SYNPR: variants seen among roughly 807,000 people sequenced by gnomAD.
SYNPR encodes synaptoporin.
In SYNPR, 23 loss-of-function variants were observed where a neutral mutation model predicts 32.9. The ratio of observed to expected loss-of-function variants is 0.70; its 90% confidence interval spans 0.50 to 0.99. The LOEUF (loss-of-function observed/expected upper bound fraction) is 0.99, where lower values mean the gene tolerates loss of function less well. Among genes scored for constraint, SYNPR ranks in the 50% least tolerant of loss-of-function variants. The pLI, the probability that SYNPR is intolerant of heterozygous loss-of-function variation, is 0.00. For synonymous variants in SYNPR, 146 were observed against 135.9 expected, an observed-to-expected ratio of 1.07 and a Z score of -0.52; for missense variants, 318 against 349.3, an observed-to-expected ratio of 0.91 and a Z score of 0.71.
chr3:63,247,752 C>G (rs1176840027), intron 1 of SYNPR, among the ~76,000 whole-genome samples: 1 of 152,096 alleles, frequency 6.6e-6, no homozygotes, highest in Admixed American at 6.6e-5. Context: ...AAGGGAAAGG[C>G]ATTTTACCCG....
At chr3:63,599,797 C>A (rs1700011630) in intron 4 of SYNPR, among the ~76,000 whole-genome samples, 3 of 152,128 alleles carry the variant, frequency 2.0e-5, no homozygotes. Context: ...TTGCAATTTT[C>A]TTCTATCAGT....
At chr3:63,565,727 C>T (rs1489994517) in intron 4 of SYNPR, among the ~76,000 whole-genome samples, 2 of 152,150 alleles carry the variant, frequency 1.3e-5, no homozygotes, top group Non-Finnish European at 2.9e-5. Context: ...TGCAATGAGG[C>T]ACCATCTTGG....
At chr3:63,269,268 C>T (rs2086514629) in intron 3 of SYNPR, among the ~76,000 whole-genome samples, 1 of 152,122 alleles carries the variant, frequency 6.6e-6, no homozygotes, top group Non-Finnish European at 1.5e-5. Context: ...GTGGATGGAT[C>T]ACTAGAGGCC....
At chr3:63,412,048 A>G (rs2088473512) in intron 2 of SYNPR, among the ~76,000 whole-genome samples, 1 of 152,102 alleles carries the variant, frequency 6.6e-6, no homozygotes. Context: ...AGGAGAGATG[A>G]AGAGGAGTAG....
intron 2 of SYNPR, among the ~76,000 whole-genome samples, chr3:63,467,737 T>C (rs923978055): frequency 6.6e-6 from 1 of 152,226 alleles, no homozygotes; most frequent in Non-Finnish European, 1.5e-5. Flanking sequence ...TCTTGTATTT[T>C]GAAAATTTTT....
chr3:63,447,066 G>C (rs1380257999), intron 2 of SYNPR, among the ~76,000 whole-genome samples: 1 of 152,036 alleles, frequency 6.6e-6, no homozygotes, highest in Non-Finnish European at 1.5e-5. Flanking sequence ...CAGAAAGTGT[G>C]GTATTAGAGC....
Position 63,428,862 on chromosome 3 carries a change from C to T in SYNPR, c.85-51970C>T, listed in dbSNP as rs1055446620. ...AGAATGTGCACGATTTCACTTCTGC[C>T]GTATGCTGTTGGCCAGAGAAAGATA... On this transcript the variant is annotated intron_variant, in intron 2 of 5. Coordinates refer to ENST00000478300, the MANE Select transcript of SYNPR (RefSeq NM_001130003.2). Among the ~76,000 whole-genome samples, 3 of 152,246 alleles carry T rather than the reference C, an allele frequency of 2.0e-5. 1 individual carries two copies. The highest frequency in any genetic ancestry group is 7.2e-5 in the African/African-American group (3 of 41,554).
intron 4 of SYNPR, among the ~76,000 whole-genome samples, chr3:63,592,222 C>T (rs929271935): frequency 5.9e-5 from 9 of 152,150 alleles, no homozygotes; most frequent in Admixed American, 5.9e-4. Context: ...CCCTCAGAGC[C>T]TCCAGGAAGA....
chr3:63,552,243 A>G (rs1575707190), intron 3 of SYNPR, among the ~76,000 whole-genome samples: 2 of 152,264 alleles, frequency 1.3e-5, no homozygotes, highest in East Asian at 1.9e-4. Flanking sequence ...AAGTGTATTA[A>G]GTCAATGCCA....
intron 4 of SYNPR, among the ~76,000 whole-genome samples, chr3:63,598,067 C>G (rs1371339143): frequency 1.3e-5 from 2 of 152,082 alleles, no homozygotes; most frequent in Non-Finnish European, 2.9e-5. Flanking sequence ...TGTAGTCTCT[C>G]TGTATAAAAG....
intron 1 of SYNPR, among the ~76,000 whole-genome samples, chr3:63,239,733 CCT>C (rs1210028007): frequency 6.6e-6 from 1 of 151,662 alleles, no homozygotes; most frequent in Non-Finnish European, 1.5e-5. Flanking sequence ...CATTGTCACC[CCT>C]CTTTTTATTG....
At chr3:63,588,914 T>G (rs1703252245) in intron 4 of SYNPR, among the ~76,000 whole-genome samples, 1 of 152,062 alleles carries the variant, frequency 6.6e-6, no homozygotes, top group Non-Finnish European at 1.5e-5. Context: ...GACAATAGTC[T>G]CAGCAGCCAT....
intron 2 of SYNPR, among the ~76,000 whole-genome samples, chr3:63,459,717 C>T (rs1700546765): frequency 6.6e-6 from 1 of 152,066 alleles, no homozygotes; most frequent in Non-Finnish European, 1.5e-5. Context: ...CTATGTGATT[C>T]ATCAAGTTCA....
At chr3:63,456,724 G>T (rs1057047210) in intron 2 of SYNPR, among the ~76,000 whole-genome samples, 1 of 152,100 alleles carries the variant, frequency 6.6e-6, no homozygotes, top group Non-Finnish European at 1.5e-5. Flanking sequence ...GAAAGGAGCA[G>T]ATCTGATTCA....
intron 2 of SYNPR, among the ~76,000 whole-genome samples, chr3:63,397,477 C>T (rs1208176967): frequency 6.6e-6 from 1 of 152,042 alleles, no homozygotes; most frequent in East Asian, 1.9e-4. Context: ...CTTTTTTTCT[C>T]CCTAATTCCT....
At chr3:63,506,202 A>G (rs1018712173) in intron 3 of SYNPR, among the ~76,000 whole-genome samples, 3 of 151,530 alleles carry the variant, frequency 2.0e-5, no homozygotes, top group African/African-American at 7.3e-5. Flanking sequence ...AGCCTTACAG[A>G]GCAAATTTGC....
chr3:63,336,072 T>C (rs2087290611), intron 2 of SYNPR, among the ~76,000 whole-genome samples: 1 of 152,110 alleles, frequency 6.6e-6, no homozygotes, highest in Non-Finnish European at 1.5e-5. Context: ...TAGCAGAAAA[T>C]AGAAATGTTA....
intron 2 of SYNPR, among the ~76,000 whole-genome samples, chr3:63,300,085 A>T (rs1342173316): frequency 6.6e-6 from 1 of 152,084 alleles, no homozygotes; most frequent in Non-Finnish European, 1.5e-5. Flanking sequence ...CTCAAGAGTG[A>T]TTTGGATATG....
intron 2 of SYNPR, among the ~76,000 whole-genome samples, chr3:63,448,790 T>C (rs1273083399): frequency 6.6e-6 from 1 of 152,224 alleles, no homozygotes; most frequent in Non-Finnish European, 1.5e-5. Flanking sequence ...AATGCCTTCA[T>C]TTTTCCATTT....
Sources: gnomAD v4.1 joint callset for allele counts (sites outside exome capture counted in the v4.1 genomes callset) on GRCh38, gnomAD v4.1.1 for gene constraint, MANE v1.5 for transcripts, NCBI Gene and HGNC (gene_info 2026-07-23, HGNC 2026-07-21) for gene names.